CFAP61: variants seen among roughly 807,000 people sequenced by gnomAD.
The protein encoded by CFAP61 is cilia and flagella associated protein 61, also known as cilia- and flagella-associated protein 61.
CFAP61 carries 107 observed loss-of-function variants against 135.6 expected under a neutral mutation model. The observed-to-expected ratio is 0.79, with a 90% CI of 0.67 to 0.93. The LOEUF is 0.93. CFAP61 is among the 40% of genes least tolerant of loss of function. CFAP61 has a pLI of 0.00. For missense variants in CFAP61, 1,507 were observed against 1,556.2 expected (o/e 0.97, Z 0.53); for synonymous variants, 575 against 578.5 (o/e 0.99, Z 0.09).
intron 23 of CFAP61, among the ~76,000 whole-genome samples, chr20:20,289,820 G>T (rs555489920): frequency 6.6e-6 from 1 of 152,358 alleles, no homozygotes; most frequent in South Asian, 2.1e-4. Context: ...CAGACCTCAG[G>T]AACAAACCAA....
intron 9 of CFAP61, among the ~76,000 whole-genome samples, chr20:20,144,906 A>G (rs1420682347): frequency 6.6e-6 from 1 of 152,146 alleles, no homozygotes. Flanking sequence ...AATAAACTCC[A>G]CCCTAGAATT....
At chr20:20,142,734 C>A in intron 8 of CFAP61, 123 bp from the exon 9 acceptor site, 1 of 656,198 alleles carries the variant, frequency 1.5e-6, no homozygotes, top group East Asian at 2.8e-5. Context: ...GTACTGCTCT[C>A]TAGAATAAAA....
intron 25 of CFAP61, among the ~76,000 whole-genome samples, chr20:20,330,126 T>C (rs1381301537): frequency 3.3e-5 from 5 of 152,182 alleles, no homozygotes; most frequent in Non-Finnish European, 1.5e-5. Context: ...GTACCCTTTT[T>C]AGTGGTCACA....
chr20:20,094,101 A>G (rs1213487002), intron 7 of CFAP61, among the ~76,000 whole-genome samples: 2 of 152,230 alleles, frequency 1.3e-5, no homozygotes, highest in South Asian at 2.1e-4. Flanking sequence ...AGATGTGGGT[A>G]TTAGTTTCTG....
intron 1 of CFAP61, chr20:20,055,998 T>C: frequency 6.2e-7 from 1 of 1,609,794 alleles, no homozygotes; most frequent in Non-Finnish European, 8.5e-7. Context: ...CGTTAGGTTC[T>C]CCACTGTTGC....
intron 25 of CFAP61, among the ~76,000 whole-genome samples, chr20:20,339,428 C>A (rs1055704890): frequency 1.3e-5 from 2 of 152,018 alleles, no homozygotes; most frequent in East Asian, 3.9e-4. Context: ...GCATAGAAAT[C>A]GTTCAACCTG....
intron 9 of CFAP61, among the ~76,000 whole-genome samples, chr20:20,148,791 CTCT>C (rs796136060): frequency 9.9e-5 from 15 of 152,246 alleles, no homozygotes; most frequent in African/African-American, 2.6e-4. Flanking sequence ...TTATTTCTTT[CTCT>C]TGTTTGATTT....
intron 20 of CFAP61, 85 bp from the exon 21 acceptor site, chr20:20,262,871 T>C (rs1005338284): frequency 4.3e-6 from 3 of 695,940 alleles, no homozygotes; most frequent in African/African-American, 1.8e-5. Flanking sequence ...ATACTGAATA[T>C]TGCTATGTCT....
chr20:20,228,477 T>C, intron 18 of CFAP61, 101 bp downstream of exon 18: 2 of 1,014,266 alleles, frequency 2.0e-6, no homozygotes, highest in East Asian at 2.4e-5. Context: ...TGAGATTGTT[T>C]GGTACTCCAC....
intron 8 of CFAP61, among the ~76,000 whole-genome samples, chr20:20,116,405 C>G (rs948933133): frequency 1.3e-5 from 2 of 152,124 alleles, no homozygotes; most frequent in Non-Finnish European, 2.9e-5. Flanking sequence ...TGATTGTCTC[C>G]TTTGCCGCGC....
chr20:20,172,196 T>G (rs6075631), intron 13 of CFAP61: 865,511 of 928,350 alleles, frequency 0.93, 405,366 homozygotes, highest in Middle Eastern at 0.97. Flanking sequence ...TTCTAAAAAG[T>G]TACACAGGAT....
At chr20:20,193,360 T>C (rs1601315551) in intron 15 of CFAP61, among the ~76,000 whole-genome samples, 1 of 152,112 alleles carries the variant, frequency 6.6e-6, no homozygotes, top group Non-Finnish European at 1.5e-5. Flanking sequence ...TGAATGAGTG[T>C]TGAATTTTAT....
At chr20:20,264,130 A>T (rs1219841163) in intron 21 of CFAP61, among the ~76,000 whole-genome samples, 1 of 152,198 alleles carries the variant, frequency 6.6e-6, no homozygotes, top group African/African-American at 2.4e-5. Context: ...TTTTAAAATG[A>T]GTATCAAAGG....
At chr20:20,149,336 A>G (rs2052198380) in intron 9 of CFAP61, among the ~76,000 whole-genome samples, 1 of 152,252 alleles carries the variant, frequency 6.6e-6, no homozygotes, top group South Asian at 2.1e-4. Flanking sequence ...AAACTGGAAG[A>G]TGGCAGATAG....
At chr20:20,249,861 G>A (rs973603622) in intron 19 of CFAP61, among the ~76,000 whole-genome samples, 2 of 152,194 alleles carry the variant, frequency 1.3e-5, no homozygotes, top group Non-Finnish European at 2.9e-5. Context: ...ATGGCTTAGA[G>A]TAGGGATCTG....
chr20:20,271,157 A>T lies in CFAP61; in HGVS notation c.2504-6009A>T, dbSNP rs199953244. ...AGTTTTTTTTAAAAACTAGCCAGGC[A>T]TAGTGGCACGTGGCTGTAGTCCCAA... On this transcript the variant is annotated intron_variant, in intron 21 of 26. Coordinates refer to ENST00000245957, the MANE Select transcript of CFAP61 (RefSeq NM_015585.4). Among the ~76,000 whole-genome samples, 3 of 152,254 alleles carry T rather than the reference A, an allele frequency of 2.0e-5. No homozygotes were observed. In the East Asian group the frequency reaches 5.8e-4, roughly 30 times the overall value.
rs1001191198 is a variant in CFAP61, at chr20:20,277,438, C to G, written c.2776C>G (p.Pro926Ala). 1 of 1,611,618 alleles carries G rather than the reference C, an allele frequency of 6.2e-7. No individual in the cohort carries two copies. The highest frequency in any genetic ancestry group is 1.7e-5 in the Admixed American group (1 of 59,936). Residue 926 changes from proline (P) to alanine (A), a missense_variant, in exon 22 of 27, where the codon CCT (proline) becomes GCT (alanine). Physicochemically the swap from Pro to Ala is conservative, Grantham distance 27 (BLOSUM62 -1). Coordinates refer to ENST00000245957, the MANE Select transcript of CFAP61 (RefSeq NM_015585.4). ...CGCCTCCTTCACCACACCCACCAAG[C>G]CTTTCAGACTCCAGTGCTCTGTAAG... The part of the protein sequence containing the change: ...YSASFTTPTK[P>A]FRLQCSMFFS...
At position 20,164,174 on chromosome 20, in the gene CFAP61, C is replaced by T; in HGVS notation, c.1151C>T (p.Ala384Val). The T allele has an allele frequency of 6.2e-7, 1 of 1,614,062 alleles. No individual in the cohort carries two copies. Among genetic ancestry groups the T allele is most frequent in the Non-Finnish European group, 8.5e-7 (1 of 1,179,974 alleles). Residue 384 changes from alanine to valine, a missense_variant, in exon 11 of 27, where the codon GCC becomes GTC. Physicochemically the swap from Ala to Val is moderately conservative, Grantham distance 64. Transcript: ENST00000245957. ...PVHFRPIYRG[A>V]SAAFCIQLFC... Reference sequence around the variant, plus strand: ...CACTTCCGCCCCATCTACAGGGGAGCCTCAGCTGCTTTTTGTATTCAGCTG... The same window carrying T: ...CACTTCCGCCCCATCTACAGGGGAGTCTCAGCTGCTTTTTGTATTCAGCTG...
intron 25 of CFAP61, among the ~76,000 whole-genome samples, chr20:20,307,061 A>G (rs2056519596): frequency 1.3e-5 from 2 of 152,182 alleles, no homozygotes; most frequent in Non-Finnish European, 2.9e-5. Flanking sequence ...TCAGTTATCC[A>G]TAGCCCCCGC....
Sources: gnomAD v4.1 joint callset for allele counts (sites outside exome capture counted in the v4.1 genomes callset) on GRCh38, gnomAD v4.1.1 for gene constraint, MANE v1.5 for transcripts, NCBI Gene and HGNC (gene_info 2026-07-23, HGNC 2026-07-21) for gene names.